TIAM1: variants seen among roughly 807,000 people sequenced by gnomAD.
TIAM1 encodes rho guanine nucleotide exchange factor TIAM1.
A neutral mutation model predicts 163.5 loss-of-function variants in TIAM1; 65 were observed. That is an observed-to-expected ratio of 0.40 (90% CI 0.33 to 0.49). The LOEUF is 0.49. Ranked by LOEUF, TIAM1 falls within the 20% of genes least tolerant of loss-of-function variation. The pLI is 0.77. For synonymous variants in TIAM1, 833 were observed against 810.1 expected, an observed-to-expected ratio of 1.03 and a Z score of -0.48; for missense variants, 1,789 against 2,044.7, an observed-to-expected ratio of 0.87 and a Z score of 2.41.
intron 20 of TIAM1, among the ~76,000 whole-genome samples, chr21:31,142,544 T>A (rs1347718573): frequency 8.4e-6 from 1 of 119,590 alleles, no homozygotes; most frequent in Non-Finnish European, 1.6e-5. Context: ...GGCAGGAGAA[T>A]CACTTGAACC....
intron 5 of TIAM1, 98 bp downstream of exon 5, chr21:31,251,641 TAAC>T (rs954565602): frequency 7.8e-4 from 951 of 1,223,156 alleles, no homozygotes; most frequent in Non-Finnish European, 9.2e-4. Context: ...AAATTCTGTA[TAAC>T]AACAACAACA....
intron 2 of TIAM1, among the ~76,000 whole-genome samples, chr21:31,326,645 G>A (rs949493090): frequency 5.9e-5 from 9 of 152,162 alleles, no homozygotes; most frequent in South Asian, 2.1e-4. Context: ...GCAGATGTGC[G>A]TGATCATACA....
chr21:31,369,225 C>CAAAAAAAAAAAAAA (rs67890846), intron 2 of TIAM1, among the ~76,000 whole-genome samples: 7 of 121,076 alleles, frequency 5.8e-5, no homozygotes, highest in South Asian at 6.1e-4. Flanking sequence ...GAATCCATCT[C>CAAAAAAAAAAAAAA]AAAAAAAAAG....
intron 2 of TIAM1, among the ~76,000 whole-genome samples, chr21:31,438,179 CTTTTTTTT>C (rs34844399): frequency 1.1e-4 from 7 of 62,686 alleles, no homozygotes; most frequent in East Asian, 4.1e-4. Flanking sequence ...TATTTGTGAT[CTTTTTTTT>C]TTTTTTTTTT....
chr21:31,376,398 T>G (rs985439593), intron 2 of TIAM1, among the ~76,000 whole-genome samples: 2 of 152,116 alleles, frequency 1.3e-5, no homozygotes, highest in African/African-American at 4.8e-5. Flanking sequence ...GCACCCAGGT[T>G]TCCGTCTGCA....
chr21:31,323,963 A>G (rs1387037517), intron 2 of TIAM1, among the ~76,000 whole-genome samples: 1 of 151,446 alleles, frequency 6.6e-6, no homozygotes. Context: ...AGCTATGATC[A>G]CACCACTTCA....
chr21:31,469,084 T>A (rs2147368351), intron 1 of TIAM1, among the ~76,000 whole-genome samples: 1 of 148,012 alleles, frequency 6.8e-6, no homozygotes. Context: ...AATCCCTTTT[T>A]TTTTTTTTTT....
intron 22 of TIAM1, 99 bp from the exon 23 acceptor site, chr21:31,136,140 T>A: frequency 9.6e-7 from 1 of 1,045,460 alleles, no homozygotes; most frequent in Admixed American, 2.2e-5. Flanking sequence ...TAATTTTACT[T>A]CAAGAAAATA....
chr21:31,137,566 A>T lies in TIAM1; in HGVS notation c.3775-1525T>A, dbSNP rs150767659. ...CAGCCCCTGGGAGTACGTCTTTAAA[A>T]GTGATTAAAGGCCAACATGGTAGAC... On this transcript the variant is annotated intron_variant, in intron 22 of 27. Transcript: ENST00000541036. Among the ~76,000 whole-genome samples, 183 of 152,040 alleles carry T rather than the reference A, an allele frequency of 1.2e-3. 1 individual carries two copies. The highest frequency in any genetic ancestry group is 4.1e-3 in the African/African-American group (169 of 41,466).
chr21:31,129,022 T>A (rs2082312696), intron 25 of TIAM1, among the ~76,000 whole-genome samples: 1 of 152,192 alleles, frequency 6.6e-6, no homozygotes, highest in Non-Finnish European at 1.5e-5. Context: ...GCCAAAAGCA[T>A]AAAATAGAAA....
intron 11 of TIAM1, among the ~76,000 whole-genome samples, chr21:31,204,012 T>A (rs1042614662): frequency 2.6e-5 from 4 of 152,332 alleles, no homozygotes; most frequent in African/African-American, 9.6e-5. Flanking sequence ...GATTTTTTCT[T>A]CCTGTCTAAA....
intron 13 of TIAM1, among the ~76,000 whole-genome samples, chr21:31,193,786 G>A (rs548836449): frequency 3.3e-4 from 50 of 152,312 alleles, no homozygotes; most frequent in Admixed American, 7.2e-4. Flanking sequence ...TTACACCGGT[G>A]AGTGCCGGCA....
chr21:31,533,216 G>C (rs2123237092), intron 1 of TIAM1, among the ~76,000 whole-genome samples: 1 of 152,282 alleles, frequency 6.6e-6, no homozygotes, highest in Admixed American at 6.5e-5. Flanking sequence ...AGCTACTCGG[G>C]AGGCTGAGGC....
intron 26 of TIAM1, among the ~76,000 whole-genome samples, chr21:31,126,434 G>C (rs905519290): frequency 6.6e-6 from 1 of 152,050 alleles, no homozygotes; most frequent in Admixed American, 6.6e-5. Flanking sequence ...GGGCATGGTG[G>C]CACATGCCTG....
chr21:31,386,614 C>A (rs2076876271), intron 2 of TIAM1, among the ~76,000 whole-genome samples: 1 of 152,120 alleles, frequency 6.6e-6, no homozygotes, highest in African/African-American at 2.4e-5. Context: ...GAACTCGGAG[C>A]AGAGACCCCT....
At chr21:31,290,646 CAAAAAAAAAAAAAA>C (rs200030849) in intron 2 of TIAM1, among the ~76,000 whole-genome samples, 16,589 of 63,772 alleles carry the variant, frequency 0.26, 1,630 homozygotes, top group East Asian at 0.55. Flanking sequence ...GACTCTATCT[CAAAAAAAAAAAAAA>C]AAAAAAAAAA....
chr21:31,414,123 C>T (rs182535164), intron 2 of TIAM1, among the ~76,000 whole-genome samples: 33 of 152,316 alleles, frequency 2.2e-4, no homozygotes, highest in Admixed American at 1.9e-3. Context: ...TCTGAAAGCA[C>T]AAGAGAGAGA....
intron 1 of TIAM1, among the ~76,000 whole-genome samples, chr21:31,518,381 G>A (rs1311583577): frequency 6.6e-6 from 1 of 151,952 alleles, no homozygotes; most frequent in Non-Finnish European, 1.5e-5. Context: ...TCCACCTCCC[G>A]GGTTCAAGTG....
At chr21:31,228,236 A>AGG (rs1256922561) in intron 6 of TIAM1, among the ~76,000 whole-genome samples, 1 of 45,978 alleles carries the variant, frequency 2.2e-5, no homozygotes, top group African/African-American at 4.3e-5. Context: ...AAAAAAAAAA[A>AGG]AAAAAAAAAA....
Sources: allele counts gnomAD v4.1 joint callset (sites outside exome capture counted in the v4.1 genomes callset), GRCh38; gene constraint gnomAD v4.1.1; transcripts MANE v1.5; gene names NCBI Gene and HGNC (gene_info 2026-07-23, HGNC 2026-07-21).